Variants in LRRC74B observed in about 807,000 individuals in gnomAD.
The protein encoded by LRRC74B is leucine-rich repeat-containing protein 74B.
Under a neutral mutation model 16.6 loss-of-function variants are expected in LRRC74B, and 30 were observed. That is an observed-to-expected ratio of 1.80 (90% CI 1.35 to 2.45). The LOEUF (loss-of-function observed/expected upper bound fraction) is 2.45, where lower values mean the gene tolerates loss of function less well. LRRC74B is among the 30% of genes most tolerant of loss of function. The pLI is 0.00. For synonymous variants in LRRC74B, 134 were observed against 86.0 expected, an observed-to-expected ratio of 1.56 and a Z score of -3.09; for missense variants, 326 against 202.4, an observed-to-expected ratio of 1.61 and a Z score of -3.71.
At chr22:21,047,308 T>G in intron 1 of LRRC74B, 48 bp from the exon 2 acceptor site, 1 of 701,870 alleles carries the variant, frequency 1.4e-6, no homozygotes, top group South Asian at 1.5e-5. Context: ...AGGACACAGG[T>G]GGCTGTAGCT....
chr22:21,061,499 GA>G (rs1415549444), downstream of LRRC74B, among the ~76,000 whole-genome samples: 1 of 152,092 alleles, frequency 6.6e-6, no homozygotes. Flanking sequence ...AAATTGGGAA[GA>G]AAAAAATCAC....
intron 7 of LRRC74B, 131 bp from the exon 8 acceptor site, chr22:21,056,974 A>C (rs1601821969): frequency 1.6e-6 from 1 of 617,222 alleles, no homozygotes; most frequent in Admixed American, 2.8e-5. Context: ...TGATGGAGAC[A>C]CCTTCTGAGC....
downstream of LRRC74B, among the ~76,000 whole-genome samples, chr22:21,061,139 C>T (rs541972919): frequency 5.3e-5 from 8 of 152,072 alleles, no homozygotes; most frequent in Non-Finnish European, 1.0e-4. Context: ...ACCAGCTTGA[C>T]AAACATGGTG....
In LRRC74B at chr22:21,047,879, C is replaced by T. The variant is rs1195563474; in HGVS notation, c.283-5C>T. On this transcript the variant is annotated splice_polypyrimidine_tract_variant and splice_region_variant and intron_variant, in intron 2 of 8. Coordinates refer to ENST00000442047, the Ensembl canonical transcript of LRRC74B. ...TGGCCAGTGTGTTTGCTCTGTCTGTCCCAGGGCGCCCGGGCTCTGGCTTCC... is the reference window on the plus strand; with the variant it reads ...TGGCCAGTGTGTTTGCTCTGTCTGTTCCAGGGCGCCCGGGCTCTGGCTTCC... 1.4e-6 allele frequency: 1 copy of T among 717,186 alleles called. No homozygotes were observed. The allele number at this position is 717,186 out of a possible 1,614,324, so 44.4% of individuals were successfully genotyped here.
chr22:21,046,174 T>A, intron 1 of LRRC74B, 49 bp downstream of exon 1: 1 of 711,516 alleles, frequency 1.4e-6, no homozygotes, highest in East Asian at 2.7e-5. Context: ...GGGGGTCTTC[T>A]CCCGCAGGGG....
intron 8 of LRRC74B, among the ~76,000 whole-genome samples, chr22:21,057,462 T>C (rs971786679): frequency 1.2e-4 from 18 of 151,656 alleles, no homozygotes; most frequent in African/African-American, 3.9e-4. Context: ...AGTGGAGGTC[T>C]GGGCATGATG....
At chr22:21,046,064 A>C (rs779284609) in exon 1 of LRRC74B, 2 of 717,446 alleles carry the variant, frequency 2.8e-6, no homozygotes, top group South Asian at 3.0e-5. Flanking sequence ...GGCGTCTTTC[A>C]GGGGTCCCCG....
intron 4 of LRRC74B, among the ~76,000 whole-genome samples, chr22:21,051,921 C>T (rs1469477039): frequency 1.3e-5 from 2 of 152,184 alleles, no homozygotes; most frequent in African/African-American, 4.8e-5. Flanking sequence ...GTGTCTCCTC[C>T]CCACTGTGCA....
chr22:21,052,285 G>A (rs1930130847), exon 5 of LRRC74B: 1 of 717,534 alleles, frequency 1.4e-6, no homozygotes, highest in Non-Finnish European at 2.6e-6. Flanking sequence ...GAAAACACAG[G>A]ACTCACCGAG....
chr22:21,050,216 T>C (rs1347586368), intron 4 of LRRC74B, among the ~76,000 whole-genome samples: 36 of 152,026 alleles, frequency 2.4e-4, no homozygotes, highest in Admixed American at 2.4e-3. Context: ...TTTCTATTTT[T>C]AGTAGAGATG....
chr22:21,062,712 C>CAAAAAAAA (rs71188206), downstream of LRRC74B: 1 of 60,860 alleles, frequency 1.6e-5, no homozygotes, highest in Non-Finnish European at 3.0e-5. Flanking sequence ...GACTCGGTCT[C>CAAAAAAAA]AAAAAAAAAA....
chr22:21,045,993 GGTTCCT>G (rs1929381658), exon 1 of LRRC74B: 2 of 717,332 alleles, frequency 2.8e-6, no homozygotes, highest in Admixed American at 2.0e-5. Flanking sequence ...AACCATGAGG[GGTTCCT>G]GTGAGAGGTC....
chr22:21,060,682 C>T (rs912659576), downstream of LRRC74B: 6 of 566,648 alleles, frequency 1.1e-5, no homozygotes, highest in African/African-American at 9.4e-5. Context: ...CACCTGTACC[C>T]TCCTCTGTGC....
intron 1 of LRRC74B, 77 bp from the exon 2 acceptor site, chr22:21,047,279 T>C (rs1929524112): frequency 1.5e-6 from 1 of 662,952 alleles, no homozygotes; most frequent in Middle Eastern, 2.4e-4. Flanking sequence ...ATAGGCCAGG[T>C]AGTGACACAG....
chr22:21,062,351 G>A (rs1167057498), downstream of LRRC74B: 1 of 152,174 alleles, frequency 6.6e-6, no homozygotes, highest in East Asian at 1.9e-4. Flanking sequence ...GATTTATGCG[G>A]TATGTGAAAT....
At chr22:21,048,998 C>T (rs1437763299) in exon 4 of LRRC74B, 1 of 716,046 alleles carries the variant, frequency 1.4e-6, no homozygotes, top group South Asian at 1.5e-5. Flanking sequence ...AGCCCAGGCC[C>T]TCTGTGCCGC....
downstream of LRRC74B, chr22:21,063,441 G>C (rs1930905862): frequency 6.6e-6 from 1 of 152,044 alleles, no homozygotes; most frequent in Non-Finnish European, 1.5e-5. Flanking sequence ...GCTCACGCCT[G>C]TAGACTCAGG....
At chr22:21,048,063 C>A in intron 3 of LRRC74B, 47 bp downstream of exon 3, 1 of 715,254 alleles carries the variant, frequency 1.4e-6, no homozygotes, top group South Asian at 1.5e-5. Context: ...CCTCCTTTTC[C>A]TCAGGGATGT....
intron 4 of LRRC74B, among the ~76,000 whole-genome samples, chr22:21,050,861 G>C (rs1187827325): frequency 6.6e-6 from 1 of 151,668 alleles, no homozygotes; most frequent in Non-Finnish European, 1.5e-5. Context: ...GGGAGGCTGA[G>C]GGGCGAAGAT....
Sources: gnomAD v4.1 joint callset for allele counts (sites outside exome capture counted in the v4.1 genomes callset) on GRCh38, gnomAD v4.1.1 for gene constraint, MANE v1.5 for transcripts, NCBI Gene and HGNC (gene_info 2026-07-23, HGNC 2026-07-21) for gene names.